Variants in TRHDE observed in about 807,000 individuals in gnomAD.
TRHDE encodes thyrotropin-releasing hormone-degrading ectoenzyme.
Under a neutral mutation model 125.7 loss-of-function variants are expected in TRHDE, and 72 were observed. That is an observed-to-expected ratio of 0.57 (90% CI 0.47 to 0.70). The LOEUF (loss-of-function observed/expected upper bound fraction) is 0.70. TRHDE is among the 30% of genes least tolerant of loss of function. The probability of loss-of-function intolerance (pLI) is 0.00; values close to 1 mark genes in which losing one functional copy is unlikely to be tolerated. For synonymous variants in TRHDE, 509 were observed against 509.1 expected, an observed-to-expected ratio of 1.00 and a Z score of 0.00; for missense variants, 1,110 against 1,327.1, an observed-to-expected ratio of 0.84 and a Z score of 2.54.
chr12:72,269,193 C>T (rs1219746867), upstream of TRHDE, among the ~76,000 whole-genome samples: 1 of 152,016 alleles, frequency 6.6e-6, no homozygotes, highest in East Asian at 1.9e-4. Flanking sequence ...TACTAAAGTG[C>T]TTGCTTCTTT....
intron 2 of TRHDE, among the ~76,000 whole-genome samples, chr12:72,126,222 G>A (rs180770235): frequency 3.9e-5 from 6 of 152,158 alleles, no homozygotes; most frequent in African/African-American, 7.2e-5. Context: ...TGACGCAAAC[G>A]GAAACACATT....
chr12:72,636,373 A>T (rs1312639997), intron 15 of TRHDE, among the ~76,000 whole-genome samples: 4 of 151,448 alleles, frequency 2.6e-5, no homozygotes, highest in Non-Finnish European at 4.4e-5. Flanking sequence ...GACTTTGCTG[A>T]AGTTGCTTAT....
chr12:72,630,087 C>T (rs965536382), intron 15 of TRHDE, among the ~76,000 whole-genome samples: 2 of 150,940 alleles, frequency 1.3e-5, no homozygotes. Flanking sequence ...TTAGAACTTT[C>T]ATCGTTCAGA....
At chr12:72,225,244 T>C (rs1878105931) in intron 2 of TRHDE, among the ~76,000 whole-genome samples, 1 of 152,226 alleles carries the variant, frequency 6.6e-6, no homozygotes, top group Non-Finnish European at 1.5e-5. Flanking sequence ...TGCAGAAAGA[T>C]ATTTCTCTCT....
chr12:72,497,358 A>G (rs1031808253), intron 5 of TRHDE, among the ~76,000 whole-genome samples: 2 of 152,144 alleles, frequency 1.3e-5, no homozygotes, highest in Non-Finnish European at 2.9e-5. Flanking sequence ...TAAAAATTAC[A>G]TCTCTAGCAA....
intron 12 of TRHDE, among the ~76,000 whole-genome samples, chr12:72,576,337 T>A (rs1437001096): frequency 6.6e-6 from 1 of 152,164 alleles, no homozygotes; most frequent in Non-Finnish European, 1.5e-5. Flanking sequence ...GGAAACTGGT[T>A]AGTTAGTAGT....
At position 72,663,221 on chromosome 12, in the gene TRHDE, T is replaced by C; in HGVS notation, c.*26T>C. On this transcript the variant is annotated 3_prime_UTR_variant, in exon 19 of 19. Transcript: ENST00000261180. ...TATATGTATCTTATAAACAAACAATTCAACTCAGAAGTTTATGAGAAGACA... is the reference window on the plus strand; with the variant it reads ...TATATGTATCTTATAAACAAACAATCCAACTCAGAAGTTTATGAGAAGACA... The C allele has an allele frequency of 6.5e-7, 1 of 1,546,126 alleles. No individual in the cohort carries two copies. The highest frequency in any genetic ancestry group is 1.2e-5 in the South Asian group (1 of 80,110).
intron 3 of TRHDE, among the ~76,000 whole-genome samples, chr12:72,420,529 A>C (rs568277843): frequency 1.7e-4 from 26 of 152,270 alleles, no homozygotes; most frequent in African/African-American, 6.0e-4. Context: ...TCTTTGCATC[A>C]TATGGGTTCT....
intron 2 of TRHDE, among the ~76,000 whole-genome samples, chr12:72,118,108 G>A (rs899447849): frequency 6.6e-6 from 1 of 151,898 alleles, no homozygotes; most frequent in African/African-American, 2.4e-5. Flanking sequence ...ACTATGTTTA[G>A]TAACAGTGGT....
intron 1 of TRHDE, among the ~76,000 whole-genome samples, chr12:72,274,164 C>A (rs938551410): frequency 6.6e-6 from 1 of 152,120 alleles, no homozygotes; most frequent in Non-Finnish European, 1.5e-5. Context: ...CTGAGAGGAC[C>A]GGGACGGGGG....
chr12:72,480,014 A>T (rs1468759314), intron 5 of TRHDE, among the ~76,000 whole-genome samples: 9 of 150,624 alleles, frequency 6.0e-5, no homozygotes, highest in Non-Finnish European at 1.3e-4. Flanking sequence ...ATGGCTGCAT[A>T]GTATTCCATG....
chr12:72,138,434 G>C (rs1384736591), intron 2 of TRHDE, among the ~76,000 whole-genome samples: 1 of 152,040 alleles, frequency 6.6e-6, no homozygotes, highest in Non-Finnish European at 1.5e-5. Context: ...AAAAATCTCT[G>C]GATTTTTCTA....
chr12:72,223,432 A>G (rs1467445274), intron 2 of TRHDE, among the ~76,000 whole-genome samples: 2 of 152,142 alleles, frequency 1.3e-5, no homozygotes, highest in East Asian at 3.9e-4. Context: ...CAAGCCAAAT[A>G]AAGTAGGCAG....
At chr12:72,461,636 A>G (rs1194369630) in intron 3 of TRHDE, among the ~76,000 whole-genome samples, 1 of 151,010 alleles carries the variant, frequency 6.6e-6, no homozygotes, top group Admixed American at 6.6e-5. Context: ...TTTTTAGCCT[A>G]CTATGCCTTT....
chr12:72,338,081 A>G (rs971163147), intron 2 of TRHDE, among the ~76,000 whole-genome samples: 13 of 152,196 alleles, frequency 8.5e-5, no homozygotes, highest in African/African-American at 2.4e-4. Flanking sequence ...GACTTTTTGT[A>G]CAAGTGTCGC....
At chr12:72,659,404 A>G (rs1003028779) in intron 18 of TRHDE, among the ~76,000 whole-genome samples, 3 of 152,114 alleles carry the variant, frequency 2.0e-5, no homozygotes, top group Admixed American at 2.0e-4. Flanking sequence ...TCACATGCCC[A>G]TTTTTCTGCT....
intron 3 of TRHDE, among the ~76,000 whole-genome samples, chr12:72,401,207 T>C (rs1475507363): frequency 6.6e-6 from 1 of 152,182 alleles, no homozygotes; most frequent in Non-Finnish European, 1.5e-5. Context: ...AGTTTTGCTT[T>C]CTCAATTTCT....
chr12:72,181,586 A>G (rs1877097590), intron 2 of TRHDE, among the ~76,000 whole-genome samples: 1 of 152,224 alleles, frequency 6.6e-6, no homozygotes, highest in African/African-American at 2.4e-5. Flanking sequence ...AAACCTAGTT[A>G]TATGTAGCAT....
At chr12:72,647,248 A>G (rs1427433833) in intron 15 of TRHDE, among the ~76,000 whole-genome samples, 1 of 152,084 alleles carries the variant, frequency 6.6e-6, no homozygotes, top group Non-Finnish European at 1.5e-5. Flanking sequence ...ATCCAAAAGG[A>G]AAGTAAAAAC....
Sources: gnomAD v4.1 joint callset for allele counts (sites outside exome capture counted in the v4.1 genomes callset) on GRCh38, gnomAD v4.1.1 for gene constraint, MANE v1.5 for transcripts, NCBI Gene and HGNC (gene_info 2026-07-23, HGNC 2026-07-21) for gene names.